Variants in ATP2B4 observed in about 807,000 individuals in gnomAD.
ATP2B4 encodes the protein ATPase plasma membrane Ca2+ transporting 4.
In ATP2B4, 39 loss-of-function variants were observed where a neutral mutation model predicts 110.3. The ratio of observed to expected loss-of-function variants is 0.35; its 90% confidence interval spans 0.27 to 0.46. The LOEUF (loss-of-function observed/expected upper bound fraction) is 0.46, where lower values mean the gene tolerates loss of function less well. Among genes scored for constraint, ATP2B4 ranks in the 20% least tolerant of loss-of-function variants. The pLI is 1.00. For missense variants in ATP2B4, 1,135 were observed against 1,530.9 expected (o/e 0.74, Z 4.32); for synonymous variants, 538 against 571.7 (o/e 0.94, Z 0.84).
intron 20 of ATP2B4, among the ~76,000 whole-genome samples, chr1:203,731,945 A>G (rs1484054865): frequency 3.3e-5 from 5 of 151,248 alleles, no homozygotes; most frequent in Non-Finnish European, 7.4e-5. Context: ...TTGGGAGGCC[A>G]AGACCGGCGG....
chr1:203,700,775 C>T, intron 5 of ATP2B4, 23 bp from the exon 6 acceptor site: 1 of 1,611,286 alleles, frequency 6.2e-7, no homozygotes, highest in Non-Finnish European at 8.5e-7. Flanking sequence ...CCATTCCTTC[C>T]CATCTTCTCC....
At chr1:203,737,771 T>G (rs1469257686) in intron 20 of ATP2B4, among the ~76,000 whole-genome samples, 1 of 152,186 alleles carries the variant, frequency 6.6e-6, no homozygotes, top group Non-Finnish European at 1.5e-5. Flanking sequence ...TACTGTTGAG[T>G]GGCAAGGAGT....
chr1:203,670,867 C>T (rs189885419), intron 1 of ATP2B4, among the ~76,000 whole-genome samples: 2 of 152,300 alleles, frequency 1.3e-5, no homozygotes, highest in East Asian at 3.9e-4. Context: ...CTCCTGCCCT[C>T]TCTCCTCCCC....
chr1:203,672,442 T>C (rs2102346755), intron 1 of ATP2B4, among the ~76,000 whole-genome samples: 1 of 148,452 alleles, frequency 6.7e-6, no homozygotes, highest in East Asian at 2.0e-4. Context: ...GGCACATAAA[T>C]AGCTTTACCG....
rs779076905 is a variant in ATP2B4, at chr1:203,683,211, G to T, written c.6G>T (p.Thr2=). 6.2e-7 allele frequency: 1 copy of T among 1,613,458 alleles called. No homozygotes were observed. The highest frequency in any genetic ancestry group is 1.3e-5 in the African/African-American group (1 of 75,026). Reference sequence around the variant, plus strand: ...GCTTGGTAACAGCAGGCAAAATGACGAACCCATCAGACCGTGTCTTGCCTG... The same window carrying T: ...GCTTGGTAACAGCAGGCAAAATGACTAACCCATCAGACCGTGTCTTGCCTG... M[T]NPSDRVLPAN... Residue 2 remains threonine (T), a synonymous_variant, in exon 2 of 21, where the codon ACG becomes ACT. Coordinates refer to ENST00000357681, the MANE Select transcript of ATP2B4 (RefSeq NM_001684.5).
At chr1:203,719,069 T>A (rs1261354725) in intron 15 of ATP2B4, among the ~76,000 whole-genome samples, 1 of 150,900 alleles carries the variant, frequency 6.6e-6, no homozygotes, top group Non-Finnish European at 1.5e-5. Flanking sequence ...CTAAAAAAAA[T>A]AAAAAATTAG....
intron 20 of ATP2B4, chr1:203,733,682 A>AGTTTT (rs1666799244): frequency 5.3e-6 from 2 of 374,538 alleles, no homozygotes; most frequent in African/African-American, 2.1e-5. Context: ...CCTTTTCTTG[A>AGTTTT]GTTTTGTTTT....
chr1:203,637,289 G>A (rs990280293), intron 1 of ATP2B4, among the ~76,000 whole-genome samples: 1 of 152,082 alleles, frequency 6.6e-6, no homozygotes, highest in Admixed American at 6.5e-5. Context: ...AAATTAGCCG[G>A]GCGAGGTGGC....
intron 8 of ATP2B4, among the ~76,000 whole-genome samples, chr1:203,705,473 A>G (rs1665823873): frequency 6.6e-6 from 1 of 152,216 alleles, no homozygotes; most frequent in African/African-American, 2.4e-5. Context: ...ATCTTGGCTC[A>G]CTGCAACCTC....
chr1:203,653,981 A>AT (rs1664077265), intron 1 of ATP2B4, among the ~76,000 whole-genome samples: 1 of 7,562 alleles, frequency 1.3e-4, no homozygotes. Flanking sequence ...ATATATATAT[A>AT]TATATTTTTT....
At chr1:203,674,019 C>T (rs765131202) in intron 1 of ATP2B4, among the ~76,000 whole-genome samples, 4 of 152,130 alleles carry the variant, frequency 2.6e-5, no homozygotes, top group South Asian at 2.1e-4. Context: ...CCACAGCAGC[C>T]CCAAGAAAGA....
chr1:203,722,600 C>G lies in ATP2B4; in HGVS notation c.2935C>G (p.Arg979Gly). The G allele has an allele frequency of 6.2e-7, 1 of 1,614,128 alleles. No homozygotes were observed. The highest frequency in any genetic ancestry group is 1.3e-5 in the African/African-American group (1 of 75,020). The change falls in exon 18 of 21, where the codon CGA (arginine) becomes GGA (glycine). Residue 979 changes from arginine to glycine, a missense_variant. By Grantham distance (125) the Arg-to-Gly change is moderately radical (BLOSUM62 -2). Coordinates refer to ENST00000357681, the MANE Select transcript of ATP2B4 (RefSeq NM_001684.5). ...LMQLFNEINS[R>G]KIHGEKNVFS... The stretch of plus-strand genomic sequence containing the variant: ...GCAGCTCTTCAATGAAATCAACTCC[C>G]GAAAGATCCATGGAGAGAAGAACGT...
chr1:203,652,813 G>A (rs1664038580), intron 1 of ATP2B4, among the ~76,000 whole-genome samples: 1 of 152,192 alleles, frequency 6.6e-6, no homozygotes, highest in Non-Finnish European at 1.5e-5. Flanking sequence ...CTGCCTCACT[G>A]ACGAGCTGTT....
At chr1:203,634,427 G>C (rs1264860230) in intron 1 of ATP2B4, among the ~76,000 whole-genome samples, 1 of 151,924 alleles carries the variant, frequency 6.6e-6, no homozygotes, top group Non-Finnish European at 1.5e-5. Flanking sequence ...GAACTCCTAG[G>C]CTCAAGCGAT....
chr1:203,709,647 A>G, intron 11 of ATP2B4, 105 bp downstream of exon 11: 1 of 1,532,874 alleles, frequency 6.5e-7, no homozygotes, highest in East Asian at 2.3e-5. Flanking sequence ...CCCTCCAGCC[A>G]GGTGGTGACA....
intron 1 of ATP2B4, chr1:203,657,356 T>C (rs1261086308): frequency 1.3e-6 from 1 of 744,876 alleles, no homozygotes; most frequent in Admixed American, 2.0e-5. Flanking sequence ...TTAATACGTC[T>C]GTTTCTCCCT....
In ATP2B4 at chr1:203,739,671, A is replaced by C. The variant is rs1294202967; in HGVS notation, c.3435A>C (p.Thr1145=). 1 of 1,614,066 alleles carries C rather than the reference A, an allele frequency of 6.2e-7. No homozygotes were observed. The highest frequency in any genetic ancestry group is 1.3e-5 in the African/African-American group (1 of 74,932). Residue 1145 remains threonine (T), a synonymous_variant, in exon 21 of 21, where the codon ACA becomes ACC. Coordinates refer to ENST00000357681, the MANE Select transcript of ATP2B4 (RefSeq NM_001684.5). ...EFAIEEELPR[T]PLLDEEEEEN... is the part of the protein sequence containing the mutation. ...CCATAGAGGAGGAGTTGCCACGAAC[A>C]CCACTCCTGGATGAGGAAGAGGAGG...
At chr1:203,700,772 T>C in intron 5 of ATP2B4, 26 bp from the exon 6 acceptor site, 2 of 1,611,364 alleles carry the variant, frequency 1.2e-6, no homozygotes, top group Non-Finnish European at 1.7e-6. Context: ...AACCCATTCC[T>C]TCCCATCTTC....
rs1664195196 is a variant in ATP2B4 at position 203,657,423 on chromosome 1, T to C, written c.-464-25319T>C. The C allele has an allele frequency of 1.2e-5, 9 of 773,078 alleles. No individual in the cohort carries two copies. In the East Asian group the frequency reaches 2.2e-4, roughly 19 times the overall value. The allele number at this position is 773,078 out of a possible 1,614,324, so 47.9% of individuals were successfully genotyped here. The stretch of plus-strand genomic sequence containing the variant: ...TTTTCCCACCTTCTCTTTTCATTTC[T>C]GTTTAATCATATTGGAAAGTACTTT... On this transcript the variant is annotated intron_variant, in intron 1 of 20. Coordinates refer to ENST00000357681, the MANE Select transcript of ATP2B4 (RefSeq NM_001684.5).
Sources: allele counts gnomAD v4.1 joint callset (sites outside exome capture counted in the v4.1 genomes callset), GRCh38; gene constraint gnomAD v4.1.1; transcripts MANE v1.5; gene names NCBI Gene and HGNC (gene_info 2026-07-23, HGNC 2026-07-21).